Variants in CDH22 observed in about 807,000 individuals in gnomAD.
CDH22 encodes cadherin 22, also known as cadherin-22.
A neutral mutation model predicts 58.4 loss-of-function variants in CDH22; 30 were observed. The ratio of observed to expected loss-of-function variants is 0.51; its 90% CI spans 0.38 to 0.70. CDH22 has a LOEUF of 0.70. Ranked by LOEUF, CDH22 falls within the 30% of genes least tolerant of loss-of-function variation. The pLI, the probability that CDH22 is intolerant of heterozygous loss-of-function variation, is 0.00. For synonymous variants in CDH22, 513 were observed against 558.2 expected (o/e 0.92, Z 1.14); for missense variants, 1,014 against 1,233.9 (o/e 0.82, Z 2.67).
rs755326195 is a variant in CDH22, at chr20:46,174,841, C to CGCCCCCGCCCGA, written c.2140_2151dup (p.Ser714_Gly717dup). On this transcript the variant is annotated inframe_insertion, in exon 12 of 12. Coordinates refer to ENST00000537909, the MANE Select transcript of CDH22 (RefSeq NM_021248.3). This position sits in a 1 kb window ranked among gnomAD's most constrained non-coding sequence, Gnocchi z 4.4. ...AGGTGGGCCTGCGGGGGGCTGCCCG[C>CGCCCCCGCCCGA]GCCCCCGCCCGAGCCCCCGCCCGCT... 3.0e-6 allele frequency: 4 copies of CGCCCCCGCCCGA among 1,324,298 alleles called. No individual in the cohort carries two copies. The highest frequency in any genetic ancestry group is 2.9e-6 in the Non-Finnish European group (3 of 1,043,164). 82.0% of individuals were successfully genotyped at this position (1,324,298 alleles called of 1,614,324 possible).
chr20:46,176,604 C>A (rs1283994419), intron 11 of CDH22, among the ~76,000 whole-genome samples: 3 of 152,246 alleles, frequency 2.0e-5, no homozygotes, highest in African/African-American at 7.2e-5. Flanking sequence ...TCTTCTTGCT[C>A]CTCCAAACAG....
At chr20:46,193,566 CCT>C (rs1382550200) in intron 8 of CDH22, among the ~76,000 whole-genome samples, 3 of 152,170 alleles carry the variant, frequency 2.0e-5, no homozygotes, top group Non-Finnish European at 4.4e-5. Flanking sequence ...GTGCTGGCTC[CCT>C]GTCACCTCCA....
intron 1 of CDH22, among the ~76,000 whole-genome samples, chr20:46,298,865 C>T (rs183701999): frequency 1.3e-5 from 2 of 152,290 alleles, no homozygotes; most frequent in Admixed American, 1.3e-4. Context: ...CTCCCACAAC[C>T]AAGCAGCTCT....
At chr20:46,237,681 C>A (rs1405756852) in intron 3 of CDH22, among the ~76,000 whole-genome samples, 1 of 152,158 alleles carries the variant, frequency 6.6e-6, no homozygotes, top group Admixed American at 6.5e-5. Flanking sequence ...CTGTGAGAGT[C>A]AGTGGGCTGG....
chr20:46,226,915 T>C (rs1177155894), intron 4 of CDH22, among the ~76,000 whole-genome samples: 3 of 152,198 alleles, frequency 2.0e-5, no homozygotes. Flanking sequence ...CAGGTTCTAA[T>C]GTCACCGTGA....
chr20:46,220,062 CA>C (rs959845341), intron 4 of CDH22: 1 of 150,192 alleles, frequency 6.7e-6, no homozygotes, highest in African/African-American at 2.5e-5. Context: ...GAAAGAGAGA[CA>C]GGGAGAAACC....
At chr20:46,303,304 C>A (rs1855804948) in intron 1 of CDH22, among the ~76,000 whole-genome samples, 2 of 152,196 alleles carry the variant, frequency 1.3e-5, no homozygotes, top group African/African-American at 4.8e-5. Flanking sequence ...TTCCTCCCTA[C>A]CCTCCTTTAT....
In CDH22 at chr20:46,308,033, G is replaced by C. The variant is rs1191864777; in HGVS notation, c.-400+222C>G. On this transcript the variant is annotated intron_variant, in intron 1 of 11. Coordinates refer to ENST00000537909, the MANE Select transcript of CDH22 (RefSeq NM_021248.3). This position sits in a 1 kb window ranked among gnomAD's most constrained non-coding sequence, Gnocchi z 4.3. Reference sequence around the variant, plus strand: ...CCGAGAGGCGGCTCGGCTCCGCGCCGGGGAAAGTTTGGACGTGGGAAACTC... The same window carrying C: ...CCGAGAGGCGGCTCGGCTCCGCGCCCGGGAAAGTTTGGACGTGGGAAACTC... Among the ~76,000 whole-genome samples the C allele has an allele frequency of 6.6e-6, 1 of 151,670 alleles. No individual in the cohort carries two copies. Among genetic ancestry groups the C allele is most frequent in the Non-Finnish European group, 1.5e-5 (1 of 67,802 alleles).
chr20:46,242,682 C>T (rs944151533), intron 2 of CDH22, among the ~76,000 whole-genome samples: 5 of 151,950 alleles, frequency 3.3e-5, no homozygotes, highest in Admixed American at 1.3e-4. Context: ...AGAGTTGGGG[C>T]GAGGGAGAGG....
intron 1 of CDH22, among the ~76,000 whole-genome samples, chr20:46,264,275 T>C (rs2145750934): frequency 6.6e-6 from 1 of 152,308 alleles, no homozygotes; most frequent in East Asian, 1.9e-4. Context: ...CAGTGGAATG[T>C]GTCCCAAGCT....
intron 3 of CDH22, among the ~76,000 whole-genome samples, chr20:46,233,418 T>C (rs113751607): frequency 6.6e-6 from 1 of 152,246 alleles, no homozygotes; most frequent in Admixed American, 6.5e-5. Context: ...CCCTCTGTTA[T>C]GCAATCTAGT....
chr20:46,244,623 C>T (rs969975740), intron 2 of CDH22, among the ~76,000 whole-genome samples: 11 of 152,130 alleles, frequency 7.2e-5, no homozygotes, highest in Non-Finnish European at 1.5e-4. Flanking sequence ...CTGAGATGGC[C>T]CCCGGTCTGT....
chr20:46,304,716 C>G (rs1881077779), intron 1 of CDH22, among the ~76,000 whole-genome samples: 1 of 152,142 alleles, frequency 6.6e-6, no homozygotes, highest in African/African-American at 2.4e-5. Context: ...GAAATCAGAC[C>G]CACATATTCG....
chr20:46,177,751 G>A (rs552370414), intron 11 of CDH22, among the ~76,000 whole-genome samples, 195 bp downstream of exon 11: 1 of 152,358 alleles, frequency 6.6e-6, no homozygotes, highest in Non-Finnish European at 1.5e-5. Flanking sequence ...CTCATCCCTG[G>A]AGTTGGTGGC....
intron 1 of CDH22, among the ~76,000 whole-genome samples, chr20:46,267,831 C>A (rs2086468341): frequency 6.6e-6 from 1 of 152,270 alleles, no homozygotes; most frequent in South Asian, 2.1e-4. Context: ...GTCCAGCTCC[C>A]TGGAAACAGG....
chr20:46,194,494 G>A (rs1359027104), intron 8 of CDH22, among the ~76,000 whole-genome samples: 1 of 152,182 alleles, frequency 6.6e-6, no homozygotes, highest in African/African-American at 2.4e-5. Flanking sequence ...CCCAGGTTGG[G>A]TATGGGGCTG....
chr20:46,232,055 C>T (rs1454543905), intron 3 of CDH22, among the ~76,000 whole-genome samples: 2 of 152,212 alleles, frequency 1.3e-5, no homozygotes, highest in African/African-American at 4.8e-5. Context: ...TGGACACCAG[C>T]ATCAGGAGGG....
Position 46,206,082 on chromosome 20 carries a change from G to A in CDH22, c.1286+4225C>T, listed in dbSNP as rs150511241. Among the ~76,000 whole-genome samples the A allele has an allele frequency of 1.2e-4, 18 of 152,226 alleles. No individual in the cohort carries two copies. The East Asian group carries it at 2.1e-3, about 18-fold the overall frequency. On this transcript the variant is annotated intron_variant, in intron 7 of 11. Coordinates refer to ENST00000537909, the MANE Select transcript of CDH22 (RefSeq NM_021248.3). The stretch of plus-strand genomic sequence containing the variant: ...TGGACCTGGACCTGTCACTGGATTC[G>A]TTCACACGGGCCAAGCTTTCCCACT...
intron 1 of CDH22, among the ~76,000 whole-genome samples, chr20:46,289,385 A>C (rs1035348310): frequency 7.2e-5 from 11 of 152,164 alleles, no homozygotes; most frequent in Non-Finnish European, 1.5e-4. Flanking sequence ...TTTCTCTATA[A>C]TGTGAGTGCC....
Sources: gnomAD v4.1 joint callset for allele counts (sites outside exome capture counted in the v4.1 genomes callset) on GRCh38, gnomAD v4.1.1 for gene constraint, Gnocchi (gnomAD v3.1) non-coding constraint, MANE v1.5 for transcripts, NCBI Gene and HGNC (gene_info 2026-07-23, HGNC 2026-07-21) for gene names.